The following UBN2 variants were observed in gnomAD, a reference collection of about 807,000 sequenced individuals.
UBN2 encodes the protein ubinuclein 2, also known as ubinuclein-2.
Under a neutral mutation model 120.2 loss-of-function variants are expected in UBN2, and 35 were observed. The ratio of observed to expected loss-of-function variants is 0.29; its 90% confidence interval spans 0.22 to 0.39. The LOEUF (loss-of-function observed/expected upper bound fraction) is 0.39. UBN2 is among the 10% of genes least tolerant of loss of function. The pLI is 1.00. For missense variants in UBN2, 1,693 were observed against 1,663.2 expected (o/e 1.02, Z -0.31); for synonymous variants, 661 against 648.7 (o/e 1.02, Z -0.29).
chr7:139,308,625 G>A (rs142176677), downstream of UBN2, among the ~76,000 whole-genome samples: 3 of 152,102 alleles, frequency 2.0e-5, no homozygotes, highest in Admixed American at 1.3e-4. Flanking sequence ...GGCATGTTTG[G>A]ACAAGTAGAG....
At position 139,237,080 on chromosome 7, in the gene UBN2, A is replaced by G; in HGVS notation, c.544A>G (p.Lys182Glu). 1 of 1,609,888 alleles carries G rather than the reference A, an allele frequency of 6.2e-7. No homozygotes were observed. The highest frequency in any genetic ancestry group is 1.1e-5 in the South Asian group (1 of 90,964). Residue 182 changes from lysine to glutamate, a missense_variant, in exon 2 of 18, where the codon AAG (lysine) becomes GAG (glutamate). This residue lies in a region of UBN2 where 663 missense variants were observed against 591.2 expected (regional missense o/e 1.12). Coordinates refer to ENST00000473989, the MANE Select transcript of UBN2 (RefSeq NM_173569.4). ...GCAAGAGGTGGAAATGTTGGCTAAG[A>G]AGTTTGAAATGAAATATGTGAGTAT... ...ERQEVEMLAK[K>E]FEMKYGGKPR...
At chr7:139,244,782 G>T (rs569975521) in intron 2 of UBN2, among the ~76,000 whole-genome samples, 12 of 151,948 alleles carry the variant, frequency 7.9e-5, no homozygotes, top group Non-Finnish European at 1.3e-4. Context: ...TTTAGCTATT[G>T]TCTCCATAAT....
At chr7:139,290,878 G>A (rs1219457487) in intron 15 of UBN2, among the ~76,000 whole-genome samples, 1 of 152,180 alleles carries the variant, frequency 6.6e-6, no homozygotes, top group East Asian at 1.9e-4. Context: ...GCATGTGTGT[G>A]TGGAAAGATT....
chr7:139,244,009 G>T (rs1222452456), intron 2 of UBN2, among the ~76,000 whole-genome samples: 1 of 152,134 alleles, frequency 6.6e-6, no homozygotes, highest in African/African-American at 2.4e-5. Flanking sequence ...TATTGAGTGG[G>T]TAGTACATGT....
chr7:139,313,074 C>T (rs1798468986), downstream of UBN2, among the ~76,000 whole-genome samples: 1 of 151,984 alleles, frequency 6.6e-6, no homozygotes, highest in Non-Finnish European at 1.5e-5. Context: ...TAAAGAGAGT[C>T]CCCGTCTTTG....
At chr7:139,243,788 G>A (rs748447436) in intron 2 of UBN2, among the ~76,000 whole-genome samples, 27 of 152,112 alleles carry the variant, frequency 1.8e-4, no homozygotes, top group Non-Finnish European at 3.5e-4. Context: ...CCTTATAGTT[G>A]GCAAAAATCT....
chr7:139,287,780 C>A (rs993156251), intron 15 of UBN2, among the ~76,000 whole-genome samples: 1 of 150,586 alleles, frequency 6.6e-6, no homozygotes, highest in Non-Finnish European at 1.5e-5. Flanking sequence ...TTTAACATAG[C>A]GTCTCAATAA....
At chr7:139,282,363 C>T (rs565000495) in intron 14 of UBN2, among the ~76,000 whole-genome samples, 3 of 152,234 alleles carry the variant, frequency 2.0e-5, no homozygotes, top group Admixed American at 2.0e-4. Flanking sequence ...TCTTAATACC[C>T]TTGTTTTCTT....
Position 139,259,461 on chromosome 7 carries a change from C to T in UBN2, c.905+91C>T, listed in dbSNP as rs1041654389. The T allele has an allele frequency of 2.7e-6, 4 of 1,508,848 alleles. No individual in the cohort carries two copies. The African/African-American group carries it at 5.6e-5, about 21-fold the overall frequency. 93.5% of individuals were successfully genotyped at this position (1,508,848 alleles called of 1,614,324 possible). On this transcript the variant is annotated intron_variant, in intron 5 of 17. Transcript: ENST00000473989. Reference sequence around the variant, plus strand: ...ATATACTTACCATTAACTAATTCAACCTAGCTGAGTCTAATTTAGTACGTT... The same window carrying T: ...ATATACTTACCATTAACTAATTCAATCTAGCTGAGTCTAATTTAGTACGTT...
At chr7:139,238,426 CTTT>C (rs1215405717) in intron 2 of UBN2, among the ~76,000 whole-genome samples, 2 of 150,932 alleles carry the variant, frequency 1.3e-5, no homozygotes, top group Non-Finnish European at 2.9e-5. Context: ...CCACAGTTTT[CTTT>C]TTCTCTCTTT....
chr7:139,269,043 C>G (rs1797183701), intron 7 of UBN2, among the ~76,000 whole-genome samples: 1 of 152,048 alleles, frequency 6.6e-6, no homozygotes. Flanking sequence ...CCCATCTCTA[C>G]TAAAAATACA....
At chr7:139,295,886 A>T (rs1798096571) in intron 17 of UBN2, among the ~76,000 whole-genome samples, 1 of 152,078 alleles carries the variant, frequency 6.6e-6, no homozygotes, top group African/African-American at 2.4e-5. Context: ...GTGCCACCGC[A>T]CTCCAGTCTG....
the UBN2 span, among the ~76,000 whole-genome samples, chr7:139,313,636 T>C: frequency 6.6e-6 from 1 of 152,204 alleles, no homozygotes; most frequent in Admixed American, 6.5e-5. Context: ...GGCATCTTTG[T>C]TCCATATTTT....
At chr7:139,243,074 T>TAC (rs1796366898) in intron 2 of UBN2, among the ~76,000 whole-genome samples, 1 of 152,170 alleles carries the variant, frequency 6.6e-6, no homozygotes, top group Non-Finnish European at 1.5e-5. Flanking sequence ...TGGAGGCAAT[T>TAC]TGGGGTCAGG....
the UBN2 span, among the ~76,000 whole-genome samples, chr7:139,316,500 G>A: frequency 3.9e-5 from 6 of 152,168 alleles, no homozygotes; most frequent in Non-Finnish European, 8.8e-5. Context: ...GTGCACGGTG[G>A]CTCACGCCTG....
At chr7:139,296,113 T>TA (rs1014973264) in intron 17 of UBN2, among the ~76,000 whole-genome samples, 41 of 152,308 alleles carry the variant, frequency 2.7e-4, no homozygotes, top group African/African-American at 9.9e-4. Flanking sequence ...GAGAATCTAA[T>TA]AAAAAATAAT....
At chr7:139,285,470 A>C (rs1322357842) in intron 15 of UBN2, among the ~76,000 whole-genome samples, 1 of 152,170 alleles carries the variant, frequency 6.6e-6, no homozygotes, top group Non-Finnish European at 1.5e-5. Context: ...CAATTTTGTA[A>C]ATACTACTCC....
chr7:139,237,174 C>CTATA, intron 2 of UBN2, 77 bp downstream of exon 2: 1 of 943,688 alleles, frequency 1.1e-6, no homozygotes, highest in East Asian at 2.7e-5. Flanking sequence ...TTGGGAGGGC[C>CTATA]TATAAATATC....
rs201805771 is a variant in UBN2 at position 139,240,429 on chromosome 7, A to AATATAT, written c.561+3353_561+3358dup. On this transcript the variant is annotated intron_variant, in intron 2 of 17. Coordinates refer to ENST00000473989, the MANE Select transcript of UBN2 (RefSeq NM_173569.4). ...GATATGAGCCACTGTACCCAGCCTAAATATATATATATATATATATATATA... is the reference window on the plus strand; with the variant it reads ...GATATGAGCCACTGTACCCAGCCTAAATATATATATATATATATATATATATATATA... 1.8e-3 allele frequency among the ~76,000 whole-genome samples: 246 copies of AATATAT among 133,218 alleles called. 2 individuals carry two copies. The highest frequency in any genetic ancestry group is 6.4e-3 in the African/African-American group (226 of 35,242). The allele number at this position is 133,218 out of a possible 152,430, so 87.4% of individuals were successfully genotyped here.
Sources: gnomAD v4.1 joint callset for allele counts (sites outside exome capture counted in the v4.1 genomes callset) on GRCh38, gnomAD v4.1.1 for gene constraint, gnomAD v4.1.1 regional missense constraint, MANE v1.5 for transcripts, NCBI Gene and HGNC (gene_info 2026-07-23, HGNC 2026-07-21) for gene names.